Variants in CACNA2D3 observed in about 807,000 individuals in gnomAD.
CACNA2D3 encodes calcium voltage-gated channel auxiliary subunit alpha2delta 3, also known as voltage-dependent calcium channel subunit alpha-2/delta-3.
In CACNA2D3, 60 loss-of-function variants were observed where a neutral mutation model predicts 160.6. The ratio of observed to expected loss-of-function variants is 0.37; its 90% confidence interval spans 0.30 to 0.46. CACNA2D3 has a LOEUF of 0.46. CACNA2D3 is among the 20% of genes least tolerant of loss of function. The probability of loss-of-function intolerance (pLI) is 1.00; values close to 1 mark genes in which losing one functional copy is unlikely to be tolerated. For synonymous variants in CACNA2D3, 558 were observed against 492.9 expected, an observed-to-expected ratio of 1.13 and a Z score of -1.75; for missense variants, 1,205 against 1,365.0, an observed-to-expected ratio of 0.88 and a Z score of 1.85.
At chr3:54,542,147 C>T (rs576415168) in intron 5 of CACNA2D3, among the ~76,000 whole-genome samples, 9 of 151,654 alleles carry the variant, frequency 5.9e-5, no homozygotes, top group Non-Finnish European at 1.0e-4. Context: ...CTGCAACCTC[C>T]GACTCCCTGG....
chr3:54,306,442 A>T (rs771709392), intron 2 of CACNA2D3, among the ~76,000 whole-genome samples: 13 of 151,720 alleles, frequency 8.6e-5, no homozygotes, highest in Non-Finnish European at 1.5e-5. Flanking sequence ...TAACTTCCTC[A>T]ACTCCAGGTT....
chr3:54,364,389 T>A (rs1437764877), intron 3 of CACNA2D3, among the ~76,000 whole-genome samples: 1 of 152,242 alleles, frequency 6.6e-6, no homozygotes. Context: ...TGCCTCTTAA[T>A]TTGATAGTTT....
At chr3:54,706,018 C>G (rs1231143004) in intron 11 of CACNA2D3, among the ~76,000 whole-genome samples, 1 of 152,280 alleles carries the variant, frequency 6.6e-6, no homozygotes, top group African/African-American at 2.4e-5. Context: ...GTATCACTAG[C>G]CCATATGTTT....
chr3:54,895,791 AGGC>A (rs1166761840), intron 25 of CACNA2D3, among the ~76,000 whole-genome samples: 4 of 152,124 alleles, frequency 2.6e-5, no homozygotes, highest in Non-Finnish European at 5.9e-5. Context: ...AGCCAAGATG[AGGC>A]GCTTCAGGTG....
At chr3:54,415,453 G>T (rs1699739981) in intron 4 of CACNA2D3, among the ~76,000 whole-genome samples, 1 of 152,068 alleles carries the variant, frequency 6.6e-6, no homozygotes, top group Non-Finnish European at 1.5e-5. Flanking sequence ...GTTATTTTTT[G>T]ATGTAGATTT....
chr3:54,246,944 T>C (rs1702092745), intron 2 of CACNA2D3, among the ~76,000 whole-genome samples: 1 of 151,822 alleles, frequency 6.6e-6, no homozygotes, highest in African/African-American at 2.4e-5. Context: ...ACAAAGTAAG[T>C]TGGGAGGAAG....
chr3:54,648,194 GC>G (rs1444831862), intron 11 of CACNA2D3, among the ~76,000 whole-genome samples: 2 of 152,206 alleles, frequency 1.3e-5, no homozygotes, highest in Non-Finnish European at 2.9e-5. Flanking sequence ...CTGGCCCATT[GC>G]CTGCTTTTGC....
chr3:55,050,332 G>A (rs1054577129), intron 35 of CACNA2D3, among the ~76,000 whole-genome samples: 35 of 152,086 alleles, frequency 2.3e-4, no homozygotes, highest in Admixed American at 1.9e-3. Context: ...TTGCTTGTCT[G>A]TAAAGTATTT....
chr3:54,818,778 T>C (rs549484301), intron 14 of CACNA2D3, among the ~76,000 whole-genome samples: 3 of 152,248 alleles, frequency 2.0e-5, no homozygotes, highest in Non-Finnish European at 2.9e-5. Context: ...CTTCTGTTCC[T>C]ATCATGGCTA....
intron 2 of CACNA2D3, among the ~76,000 whole-genome samples, chr3:54,162,775 T>C (rs1367868221): frequency 1.3e-5 from 2 of 152,192 alleles, no homozygotes; most frequent in Admixed American, 6.5e-5. Flanking sequence ...GCACCTGTAA[T>C]GTGCCAGATT....
At chr3:54,805,025 C>T (rs1218670032) in intron 13 of CACNA2D3, among the ~76,000 whole-genome samples, 1 of 152,132 alleles carries the variant, frequency 6.6e-6, no homozygotes, top group Non-Finnish European at 1.5e-5. Context: ...CACAACATAC[C>T]AGAATCTGTG....
intron 27 of CACNA2D3, among the ~76,000 whole-genome samples, chr3:54,933,542 ATGT>A (rs1701258955): frequency 6.6e-6 from 1 of 152,330 alleles, no homozygotes; most frequent in Non-Finnish European, 1.5e-5. Context: ...ATGCTGGGAA[ATGT>A]TGTCTAGCAG....
At chr3:54,684,855 T>G (rs1332464618) in intron 11 of CACNA2D3, among the ~76,000 whole-genome samples, 1 of 152,182 alleles carries the variant, frequency 6.6e-6, no homozygotes, top group East Asian at 1.9e-4. Flanking sequence ...CTGGCTGGTG[T>G]GATTCTCAGT....
At chr3:54,665,072 G>A (rs966587241) in intron 11 of CACNA2D3, among the ~76,000 whole-genome samples, 4 of 152,042 alleles carry the variant, frequency 2.6e-5, no homozygotes, top group African/African-American at 7.2e-5. Flanking sequence ...ATAATATATC[G>A]GGCTGACCTA....
intron 5 of CACNA2D3, among the ~76,000 whole-genome samples, chr3:54,557,061 A>G (rs1298423057): frequency 6.6e-6 from 1 of 152,202 alleles, no homozygotes. Context: ...AAATGACTGT[A>G]ACAATAGACA....
intron 2 of CACNA2D3, among the ~76,000 whole-genome samples, chr3:54,292,157 C>G (rs560686873): frequency 6.6e-6 from 1 of 152,060 alleles, no homozygotes; most frequent in South Asian, 2.1e-4. Flanking sequence ...ATACCATACA[C>G]AAAAATGAGT....
chr3:54,814,194 C>T (rs1193859208), intron 13 of CACNA2D3, among the ~76,000 whole-genome samples: 1 of 152,168 alleles, frequency 6.6e-6, no homozygotes, highest in Non-Finnish European at 1.5e-5. Context: ...TCCAGTGAAA[C>T]TCAGGCATGA....
At chr3:54,586,337 A>G (rs1382635183) in intron 9 of CACNA2D3, among the ~76,000 whole-genome samples, 1 of 151,898 alleles carries the variant, frequency 6.6e-6, no homozygotes, top group Non-Finnish European at 1.5e-5. Context: ...TCAGAAAAAT[A>G]TGTACCATGC....
At chr3:54,203,727 G>A (rs1261352976) in intron 2 of CACNA2D3, among the ~76,000 whole-genome samples, 6 of 152,038 alleles carry the variant, frequency 3.9e-5, no homozygotes, top group African/African-American at 7.2e-5. Context: ...CTGTGTGCTG[G>A]CATCTGTCGG....
Sources: gnomAD v4.1 joint callset for allele counts (sites outside exome capture counted in the v4.1 genomes callset) on GRCh38, gnomAD v4.1.1 for gene constraint, MANE v1.5 for transcripts, NCBI Gene and HGNC (gene_info 2026-07-23, HGNC 2026-07-21) for gene names.